The following SIPA1L3 variants were observed in gnomAD, a reference collection of about 807,000 sequenced individuals.
SIPA1L3 encodes the protein signal-induced proliferation-associated 1-like protein 3.
In SIPA1L3, 59 loss-of-function variants were observed where a neutral mutation model predicts 150.1. The observed-to-expected ratio is 0.39, with a 90% CI of 0.32 to 0.49. The LOEUF (loss-of-function observed/expected upper bound fraction) is 0.49. Among genes scored for constraint, SIPA1L3 ranks in the 20% least tolerant of loss-of-function variants. The probability of loss-of-function intolerance (pLI) is 0.86; values close to 1 mark genes in which losing one functional copy is unlikely to be tolerated. For missense variants in SIPA1L3, 2,211 were observed against 2,489.5 expected (o/e 0.89, Z 2.38); for synonymous variants, 1,070 against 1,077.6 (o/e 0.99, Z 0.14).
intron 21 of SIPA1L3, among the ~76,000 whole-genome samples, chr19:38,205,833 A>G (rs1016950108): frequency 6.6e-6 from 1 of 152,214 alleles, no homozygotes; most frequent in African/African-American, 2.4e-5. Context: ...CGATGACTCC[A>G]CATGTGGTTG....
At chr19:37,956,158 G>A (rs899727689) in intron 1 of SIPA1L3, among the ~76,000 whole-genome samples, 1 of 152,252 alleles carries the variant, frequency 6.6e-6, no homozygotes, top group Non-Finnish European at 1.5e-5. Flanking sequence ...CCTGGCTGGG[G>A]TCCAGTATTT....
At chr19:37,972,729 A>G (rs374356331) in intron 1 of SIPA1L3, among the ~76,000 whole-genome samples, 2 of 152,282 alleles carry the variant, frequency 1.3e-5, no homozygotes, top group African/African-American at 4.8e-5. Flanking sequence ...CAAAACTGCA[A>G]TGTGATAATA....
chr19:38,080,615 ATT>A (rs375495520), intron 2 of SIPA1L3, among the ~76,000 whole-genome samples: 4 of 149,574 alleles, frequency 2.7e-5, no homozygotes, highest in African/African-American at 9.8e-5. Flanking sequence ...TGTTACTGTG[ATT>A]TTTTTTTTTA....
At chr19:38,196,277 G>A (rs995258114) in intron 18 of SIPA1L3, among the ~76,000 whole-genome samples, 1 of 152,240 alleles carries the variant, frequency 6.6e-6, no homozygotes, top group Non-Finnish European at 1.5e-5. Flanking sequence ...GCAGTGAGAC[G>A]CCAGCAGGCT....
chr19:38,105,419 C>T (rs1206506086), intron 6 of SIPA1L3, among the ~76,000 whole-genome samples: 5 of 151,760 alleles, frequency 3.3e-5, no homozygotes, highest in African/African-American at 4.8e-5. Context: ...CTGGTCCAGA[C>T]GCTACCACTC....
intron 18 of SIPA1L3, 84 bp from the exon 19 acceptor site, chr19:38,198,305 G>A: frequency 1.4e-6 from 2 of 1,380,348 alleles, no homozygotes; most frequent in South Asian, 1.7e-5. Context: ...TAGCATCTCT[G>A]CATAAGCAAT....
At position 38,206,978 on chromosome 19, in the gene SIPA1L3, G is replaced by A. The variant is rs1490358652; in HGVS notation, c.*738G>A. ...CGGTTTATACGATCTTTTTCTATCA[G>A]CTCCTCTTCCGCCAGAGGCCACTGC... On this transcript the variant is annotated 3_prime_UTR_variant, in exon 22 of 22. Transcript: ENST00000222345. 2.6e-5 allele frequency: 4 copies of A among 152,266 alleles called. No individual in the cohort carries two copies. Among genetic ancestry groups the A allele is most frequent in the Non-Finnish European group, 4.4e-5 (3 of 68,060 alleles). 9.4% of individuals were successfully genotyped at this position (152,266 alleles called of 1,614,324 possible). A position where few individuals can be genotyped will look rare whatever the true frequency, so the allele number is the denominator to read the frequency against.
rs1339166955 is a variant in SIPA1L3 at position 38,162,104 on chromosome 19, G to A, written c.3662-149G>A. The A allele has an allele frequency of 5.8e-6, 4 of 692,296 alleles. No individual in the cohort carries two copies. In the East Asian group the frequency reaches 7.5e-5, roughly 13 times the overall value. 42.9% of individuals were successfully genotyped at this position (692,296 alleles called of 1,614,324 possible). On this transcript the variant is annotated intron_variant, in intron 13 of 21. Transcript: ENST00000222345. ...TCTGGCACATAGTATGTGCTGAGAT[G>A]TATTCTCTGTTACTGAGTGTTGCAC...
chr19:38,180,417 C>T (rs950678226), intron 15 of SIPA1L3, among the ~76,000 whole-genome samples: 6 of 151,876 alleles, frequency 4.0e-5, no homozygotes, highest in African/African-American at 7.3e-5. Flanking sequence ...CCGTCTTGGC[C>T]TCCCAAAGTG....
intron 2 of SIPA1L3, among the ~76,000 whole-genome samples, chr19:38,069,805 C>T (rs1456888864): frequency 6.6e-6 from 1 of 151,564 alleles, no homozygotes; most frequent in African/African-American, 2.4e-5. Context: ...GCTGGGACCA[C>T]AGGCACGCGC....
At chr19:37,995,191 G>A (rs561232259) in intron 1 of SIPA1L3, among the ~76,000 whole-genome samples, 11 of 152,294 alleles carry the variant, frequency 7.2e-5, no homozygotes, top group Admixed American at 2.6e-4. Context: ...GCCAGGGGCC[G>A]GCCCTAGCTG....
intron 1 of SIPA1L3, among the ~76,000 whole-genome samples, chr19:37,956,764 G>A (rs757297059): frequency 2.0e-5 from 3 of 152,120 alleles, no homozygotes; most frequent in Non-Finnish European, 4.4e-5. Context: ...GATTACAGGT[G>A]TGAGCCACCA....
intron 9 of SIPA1L3, among the ~76,000 whole-genome samples, chr19:38,124,990 T>G (rs1971138027): frequency 3.5e-5 from 1 of 28,926 alleles, no homozygotes; most frequent in African/African-American, 4.0e-4. Flanking sequence ...AGGGAGACTG[T>G]GGAAAGAGAG....
intron 1 of SIPA1L3, among the ~76,000 whole-genome samples, chr19:37,965,662 G>A (rs1196525790): frequency 6.6e-6 from 1 of 151,928 alleles, no homozygotes; most frequent in Admixed American, 6.6e-5. Flanking sequence ...GTAACTTTTT[G>A]TCATGAAATG....
intron 9 of SIPA1L3, among the ~76,000 whole-genome samples, chr19:38,126,831 C>A (rs568751600): frequency 3.9e-5 from 6 of 152,060 alleles, no homozygotes; most frequent in Non-Finnish European, 7.4e-5. Context: ...CCACTGTGCC[C>A]GGCCCAATTT....
Position 38,110,291 on chromosome 19 carries a change from TACCGTTC to T in SIPA1L3, c.2202_2208del (p.Phe735ProfsTer31). On this transcript the variant is annotated frameshift_variant, in exon 8 of 22. Coordinates refer to ENST00000222345, the MANE Select transcript of SIPA1L3 (RefSeq NM_015073.3). LOFTEE classifies it high-confidence loss of function. ...ATCATCTTCCAGGAGCCTGGCGCGC[TACCGTTC>T]ACCCCCAAGAACATCCGCTCCCACT... 1 of 1,614,050 alleles carries T rather than the reference TACCGTTC, an allele frequency of 6.2e-7. No individual in the cohort carries two copies. The highest frequency in any genetic ancestry group is 1.1e-5 in the South Asian group (1 of 91,082).
At chr19:38,137,312 C>G (rs1189641140) in intron 10 of SIPA1L3, among the ~76,000 whole-genome samples, 1 of 152,112 alleles carries the variant, frequency 6.6e-6, no homozygotes, top group Non-Finnish European at 1.5e-5. Context: ...CCTCAACCCC[C>G]CTAGTAGCTG....
intron 2 of SIPA1L3, among the ~76,000 whole-genome samples, chr19:38,044,906 A>G (rs1341252505): frequency 6.6e-6 from 1 of 152,132 alleles, no homozygotes; most frequent in East Asian, 1.9e-4. Context: ...TGGCATCCCC[A>G]TCTAGAGAAT....
intron 19 of SIPA1L3, 87 bp downstream of exon 19, chr19:38,198,619 G>C: frequency 8.0e-7 from 1 of 1,250,036 alleles, no homozygotes; most frequent in Non-Finnish European, 1.0e-6. Flanking sequence ...GCTTTGCAGG[G>C]ATACCCACTC....
Sources: gnomAD v4.1 joint callset for allele counts (sites outside exome capture counted in the v4.1 genomes callset) on GRCh38, gnomAD v4.1.1 for gene constraint, MANE v1.5 for transcripts, NCBI Gene and HGNC (gene_info 2026-07-23, HGNC 2026-07-21) for gene names.